ABCC12: variants seen among roughly 807,000 people sequenced by gnomAD.
The protein encoded by ABCC12 is ATP-binding cassette sub-family C member 12.
A neutral mutation model predicts 151.1 loss-of-function variants in ABCC12; 142 were observed. The ratio of observed to expected loss-of-function variants is 0.94; its 90% CI spans 0.82 to 1.08. ABCC12 has a LOEUF of 1.08. ABCC12 is among the 50% of genes least tolerant of loss of function. The pLI, the probability that ABCC12 is intolerant of heterozygous loss-of-function variation, is 0.00. For missense variants in ABCC12, 1,638 were observed against 1,691.1 expected (o/e 0.97, Z 0.55); for synonymous variants, 645 against 646.4 (o/e 1.00, Z 0.03).
Position 48,153,903 on chromosome 16 carries a change from C to T in ABCC12, c.-319-19G>A, listed in dbSNP as rs1965149522. ...GGCAGCCCTGGGGGGAAAAATGAGACTTTTTTTAAAATCAGGAAGCCTGCT... is the reference window on the plus strand; with the variant it reads ...GGCAGCCCTGGGGGGAAAAATGAGATTTTTTTTAAAATCAGGAAGCCTGCT... On this transcript the variant is annotated intron_variant, in intron 1 of 30. Coordinates refer to ENST00000311303, the MANE Select transcript of ABCC12 (RefSeq NM_001393797.1). The T allele has an allele frequency of 6.6e-6, 1 of 152,176 alleles. No homozygotes were observed. The highest frequency in any genetic ancestry group is 2.1e-4 in the South Asian group (1 of 4,830). 9.4% of individuals were successfully genotyped at this position (152,176 alleles called of 1,614,324 possible).
At chr16:48,128,810 A>T (rs1038510646) in intron 10 of ABCC12, 73 bp from the exon 11 acceptor site, 1 of 1,520,426 alleles carries the variant, frequency 6.6e-7, no homozygotes, top group African/African-American at 1.4e-5. Flanking sequence ...GTATCTTCTA[A>T]TGACCCCAAA....
At chr16:48,109,697 G>A (rs1963619928) in intron 18 of ABCC12, among the ~76,000 whole-genome samples, 1 of 152,196 alleles carries the variant, frequency 6.6e-6, no homozygotes. Context: ...GTCTCCCTCT[G>A]AAACTGCAAA....
chr16:48,117,807 C>T (rs1410065005), intron 13 of ABCC12, among the ~76,000 whole-genome samples: 1 of 152,052 alleles, frequency 6.6e-6, no homozygotes, highest in Non-Finnish European at 1.5e-5. Context: ...CCAGTGACGA[C>T]CTTGACATTT....
At chr16:48,099,981 A>G (rs1963246976) in intron 23 of ABCC12, among the ~76,000 whole-genome samples, 1 of 144,020 alleles carries the variant, frequency 6.9e-6, no homozygotes, top group South Asian at 2.2e-4. Context: ...TTTTTTTGAG[A>G]CAGAGTCTCA....
Position 48,121,801 on chromosome 16 carries a change from A to G in ABCC12, c.1627T>C (p.Leu543=). Residue 543 remains leucine (L), a synonymous_variant, in exon 13 of 31, where the codon TTG becomes CTG. Coordinates refer to ENST00000311303, the MANE Select transcript of ABCC12 (RefSeq NM_001393797.1). ...QKGVVAVNGT[L]AYVSQQAWIF... ...CATGCCTGCTGTGAAACGTAGGCCA[A>G]AGTTCCATTGACTGCCACCACCCCT... 2 of 1,614,226 alleles carry G rather than the reference A, an allele frequency of 1.2e-6. No homozygotes were observed. The highest frequency in any genetic ancestry group is 2.2e-5 in the South Asian group (2 of 91,082).
intron 8 of ABCC12, among the ~76,000 whole-genome samples, chr16:48,136,348 T>G (rs964522130): frequency 6.6e-6 from 1 of 152,206 alleles, no homozygotes; most frequent in African/African-American, 2.4e-5. Context: ...AAGCCACTTC[T>G]GCAGGGAAGC....
Position 48,117,563 on chromosome 16 carries a change from T to G in ABCC12, c.1713-230A>C, listed in dbSNP as rs549332325. Among the ~76,000 whole-genome samples the G allele has an allele frequency of 3.3e-5, 5 of 152,290 alleles. No homozygotes were observed. In the South Asian group the frequency reaches 1.0e-3, roughly 32 times the overall value. On this transcript the variant is annotated intron_variant, in intron 13 of 30. Transcript: ENST00000311303. ...GCAGAGTTGATTCAGGAATGGCCCC[T>G]TCCCTGGCAGGGTTTTCGCCAAGCA... is the stretch of plus-strand genomic sequence containing the variant.
At chr16:48,105,372 T>C in intron 20 of ABCC12, 36 bp from the exon 21 acceptor site, 1 of 1,557,686 alleles carries the variant, frequency 6.4e-7, no homozygotes, top group Non-Finnish European at 8.7e-7. Context: ...CAAGAATTGA[T>C]AAATTCCTGC....
chr16:48,130,706 T>C, intron 10 of ABCC12, 82 bp downstream of exon 10: 1 of 1,118,658 alleles, frequency 8.9e-7, no homozygotes. Context: ...CTCCAGCAGC[T>C]TGGTACAGCC....
intron 22 of ABCC12, 129 bp from the exon 23 acceptor site, chr16:48,101,138 G>A: frequency 8.8e-7 from 1 of 1,131,620 alleles, no homozygotes; most frequent in Middle Eastern, 2.5e-4. Context: ...TCTAACTGGG[G>A]ATGAAGAGCA....
At chr16:48,111,733 AT>A (rs1963699199) in intron 16 of ABCC12, 42 bp downstream of exon 16, 1 of 1,613,838 alleles carries the variant, frequency 6.2e-7, no homozygotes, top group Admixed American at 1.7e-5. Flanking sequence ...ATCCTGAGGG[AT>A]TCCGCCCCAA....
intron 3 of ABCC12, among the ~76,000 whole-genome samples, chr16:48,144,703 G>A (rs1440028660): frequency 6.6e-6 from 1 of 152,194 alleles, no homozygotes; most frequent in East Asian, 1.9e-4. Context: ...TCTTCTTGCT[G>A]CTTGGAATCA....
chr16:48,090,173 G>T (rs1962818959), intron 25 of ABCC12, among the ~76,000 whole-genome samples: 1 of 152,110 alleles, frequency 6.6e-6, no homozygotes, highest in Non-Finnish European at 1.5e-5. Flanking sequence ...TTTTAAAGAA[G>T]AGTTAGACTG....
intron 5 of ABCC12, 34 bp from the exon 6 acceptor site, chr16:48,140,954 C>A: frequency 1.9e-6 from 3 of 1,589,884 alleles, no homozygotes; most frequent in Non-Finnish European, 2.6e-6. Flanking sequence ...AAGAGAGGGC[C>A]ACTGAGGGCT....
At chr16:48,150,581 A>G (rs1009625123) in intron 2 of ABCC12, among the ~76,000 whole-genome samples, 1 of 152,112 alleles carries the variant, frequency 6.6e-6, no homozygotes, top group Non-Finnish European at 1.5e-5. Context: ...GCAATATATA[A>G]TAATATATTT....
intron 22 of ABCC12, among the ~76,000 whole-genome samples, chr16:48,102,704 C>A (rs1417778864): frequency 6.6e-6 from 1 of 152,186 alleles, no homozygotes; most frequent in African/African-American, 2.4e-5. Flanking sequence ...TGCCACTGTC[C>A]ACGGACACCA....
At chr16:48,129,447 A>G (rs1964349924) in intron 10 of ABCC12, among the ~76,000 whole-genome samples, 1 of 152,182 alleles carries the variant, frequency 6.6e-6, no homozygotes, top group African/African-American at 2.4e-5. Context: ...CAGCATGGAC[A>G]AAGGCAAGGA....
At chr16:48,085,847 T>C (rs1291195707) in intron 28 of ABCC12, 141 bp from the exon 29 acceptor site, 3 of 672,348 alleles carry the variant, frequency 4.5e-6, no homozygotes, top group East Asian at 5.4e-5. Flanking sequence ...ACAACAATCA[T>C]TTCAATATTG....
intron 7 of ABCC12, among the ~76,000 whole-genome samples, chr16:48,138,706 C>T (rs1437890481): frequency 6.6e-6 from 1 of 152,112 alleles, no homozygotes; most frequent in African/African-American, 2.4e-5. Context: ...GTGGCTTGCA[C>T]CTGTAATCCC....
Sources: allele counts gnomAD v4.1 joint callset (sites outside exome capture counted in the v4.1 genomes callset), GRCh38; gene constraint gnomAD v4.1.1; transcripts MANE v1.5; gene names NCBI Gene and HGNC (gene_info 2026-07-23, HGNC 2026-07-21).